The following SLC22A2 variants were observed in gnomAD, a reference collection of about 807,000 sequenced individuals.
SLC22A2 encodes organic cation transporter 2.
A neutral mutation model predicts 60.5 loss-of-function variants in SLC22A2; 46 were observed. The ratio of observed to expected loss-of-function variants is 0.76; its 90% CI spans 0.60 to 0.97. The LOEUF (loss-of-function observed/expected upper bound fraction) is 0.97, where lower values mean the gene tolerates loss of function less well. SLC22A2 is among the 50% of genes least tolerant of loss of function. SLC22A2 has a pLI of 0.00. For synonymous variants in SLC22A2, 303 were observed against 267.0 expected, an observed-to-expected ratio of 1.13 and a Z score of -1.31; for missense variants, 701 against 706.6, an observed-to-expected ratio of 0.99 and a Z score of 0.09.
chr6:160,231,487 C>G (rs1324362525), intron 9 of SLC22A2, among the ~76,000 whole-genome samples: 2 of 151,864 alleles, frequency 1.3e-5, no homozygotes, highest in Non-Finnish European at 2.9e-5. Flanking sequence ...GCGCCAATAT[C>G]TCATCCTGCA....
At chr6:160,247,045 G>A (rs1783105741) in intron 5 of SLC22A2, 139 bp downstream of exon 5, 2 of 584,434 alleles carry the variant, frequency 3.4e-6, no homozygotes, top group Admixed American at 6.0e-5. Flanking sequence ...ATTCTCTGTT[G>A]CATTCCGCTA....
chr6:160,232,551 T>C (rs1782841353), intron 9 of SLC22A2, among the ~76,000 whole-genome samples: 1 of 144,912 alleles, frequency 6.9e-6, no homozygotes, highest in African/African-American at 2.5e-5. Flanking sequence ...TATGCAAGGG[T>C]CCTCCATCAT....
chr6:160,217,456 C>T lies in SLC22A2; in HGVS notation c.1644G>A (p.Gln548=). 1 of 1,604,600 alleles carries T rather than the reference C, an allele frequency of 6.2e-7. No homozygotes were observed. The highest frequency in any genetic ancestry group is 8.5e-7 in the Non-Finnish European group (1 of 1,172,002). The change falls in exon 11 of 11, where the codon CAG becomes CAA. Residue 548 remains glutamine (Q), a synonymous_variant. Transcript: ENST00000366953. ...CTTAGTTCAATGGAATGTCTAGTTTCTGAACTTGGAGGTAAATCATCTTTT... is the reference window on the plus strand; with the variant it reads ...CTTAGTTCAATGGAATGTCTAGTTTTTGAACTTGGAGGTAAATCATCTTTT... ...NKEKMIYLQV[Q]KLDIPLN is the part of the protein sequence containing the mutation.
chr6:160,223,665 T>C (rs775971226), intron 10 of SLC22A2, among the ~76,000 whole-genome samples: 7 of 152,224 alleles, frequency 4.6e-5, no homozygotes, highest in African/African-American at 1.4e-4. Flanking sequence ...TTTGTACACG[T>C]AAACTTCTAG....
intron 7 of SLC22A2, 109 bp downstream of exon 7, chr6:160,243,461 CTT>C (rs930895123): frequency 1.1e-6 from 1 of 876,128 alleles, no homozygotes; most frequent in African/African-American, 1.7e-5. Context: ...TCCAATTTGT[CTT>C]TCCAAATTGA....
At chr6:160,258,138 T>A (rs1783305331) in intron 1 of SLC22A2, among the ~76,000 whole-genome samples, 1 of 152,236 alleles carries the variant, frequency 6.6e-6, no homozygotes, top group Non-Finnish European at 1.5e-5. Context: ...ATTGTCAGCA[T>A]CTGAGGACGT....
At chr6:160,248,264 T>C (rs1010331189) in intron 4 of SLC22A2, among the ~76,000 whole-genome samples, 1 of 152,166 alleles carries the variant, frequency 6.6e-6, no homozygotes, top group Non-Finnish European at 1.5e-5. Flanking sequence ...CTTCACCATG[T>C]GAGGGCCCAC....
At chr6:160,235,235 A>T (rs1286420464) in intron 9 of SLC22A2, among the ~76,000 whole-genome samples, 1 of 152,000 alleles carries the variant, frequency 6.6e-6, no homozygotes, top group Non-Finnish European at 1.5e-5. Context: ...GGGTATCAGA[A>T]ATTACTATAC....
chr6:160,223,510 T>C lies in SLC22A2; in HGVS notation c.1601+1195A>G, dbSNP rs76735705. On this transcript the variant is annotated intron_variant, in intron 10 of 10. Transcript: ENST00000366953. ...ACTTTCCTTGTCAGCGTATGTGAAA[T>C]GGCCTCATTCTTTTTAATGGCTGTA... is the stretch of plus-strand genomic sequence containing the variant. Among the ~76,000 whole-genome samples the C allele has an allele frequency of 7.2e-3, 1,098 of 152,316 alleles. 14 individuals carry two copies. The highest frequency in any genetic ancestry group is 0.025 in the African/African-American group (1,058 of 41,572).
intron 9 of SLC22A2, among the ~76,000 whole-genome samples, chr6:160,237,769 T>A (rs1439828281): frequency 6.6e-6 from 1 of 152,142 alleles, no homozygotes; most frequent in African/African-American, 2.4e-5. Context: ...GCATTCTAAG[T>A]CACAGGATGA....
At chr6:160,237,098 C>T (rs10945658) in intron 9 of SLC22A2, among the ~76,000 whole-genome samples, 14,469 of 152,196 alleles carry the variant, frequency 0.095, 773 homozygotes, top group Non-Finnish European at 0.12. Context: ...ATTCTAGTCT[C>T]ATCAGTTGTT....
At position 160,258,530 on chromosome 6, in the gene SLC22A2, C is replaced by T. The variant is rs770466866; in HGVS notation, c.228G>A (p.Pro76=). 1.2e-6 allele frequency: 2 copies of T among 1,614,096 alleles called. No homozygotes were observed. The highest frequency in any genetic ancestry group is 2.2e-5 in the East Asian group (1 of 44,868). ...SPAEELNYTV[P]GPGPAGEASP... ...AGGCTTCGCCCGCAGGTCCTGGGCC[C>T]GGCACCGTGTAGTTCAGTTCCTCTG... The change falls in exon 1 of 11, where the codon CCG becomes CCA. Residue 76 remains proline (P), a synonymous_variant. Coordinates refer to ENST00000366953, the MANE Select transcript of SLC22A2 (RefSeq NM_003058.4).
intron 9 of SLC22A2, among the ~76,000 whole-genome samples, chr6:160,238,629 T>C (rs1225818927): frequency 6.6e-6 from 1 of 152,190 alleles, no homozygotes; most frequent in Non-Finnish European, 1.5e-5. Flanking sequence ...ACACCATTAT[T>C]GTGTGGAAAA....
intron 9 of SLC22A2, among the ~76,000 whole-genome samples, chr6:160,237,868 C>G (rs1782935817): frequency 2.0e-5 from 3 of 152,136 alleles, no homozygotes; most frequent in Admixed American, 2.0e-4. Context: ...CCACCAAAAC[C>G]AAGATGGCAA....
At chr6:160,236,394 A>C (rs1269346206) in intron 9 of SLC22A2, among the ~76,000 whole-genome samples, 1 of 152,116 alleles carries the variant, frequency 6.6e-6, no homozygotes, top group African/African-American at 2.4e-5. Flanking sequence ...TTTTCTTTTG[A>C]GCTATTAGTA....
At chr6:160,256,483 C>T (rs1334801625) in intron 2 of SLC22A2, 131 bp downstream of exon 2, 8 of 652,570 alleles carry the variant, frequency 1.2e-5, no homozygotes, top group Non-Finnish European at 1.9e-5. Flanking sequence ...TGTAAAAACA[C>T]CAGCATGAAG....
At chr6:160,231,519 G>A (rs1051019208) in intron 9 of SLC22A2, among the ~76,000 whole-genome samples, 3 of 151,868 alleles carry the variant, frequency 2.0e-5, no homozygotes, top group Non-Finnish European at 1.5e-5. Context: ...AAGGATTAAA[G>A]CCTGTTATCA....
intron 9 of SLC22A2, among the ~76,000 whole-genome samples, chr6:160,236,040 CAT>C (rs1782905458): frequency 6.6e-6 from 1 of 152,074 alleles, no homozygotes; most frequent in Admixed American, 6.6e-5. Flanking sequence ...ACAGAAGTAA[CAT>C]ATTTATTTGT....
At position 160,247,211 on chromosome 6, in the gene SLC22A2, A is replaced by G. The variant is rs867490354; in HGVS notation, c.930T>C (p.Asn310=). 2 of 1,611,920 alleles carry G rather than the reference A, an allele frequency of 1.2e-6. No homozygotes were observed. The highest frequency in any genetic ancestry group is 4.5e-5 in the East Asian group (2 of 44,852). ...MRIIKHIAKK[N]GKSLPASLQR... ...GAAGGGAGGCGGGTAGAGATTTTCC[A>G]TTTTTCTTTGCGATGTGCTTAATGA... The change falls in exon 5 of 11, where the codon AAT becomes AAC. Residue 310 remains asparagine, a synonymous_variant. Transcript: ENST00000366953.
Sources: gnomAD v4.1 joint callset for allele counts (sites outside exome capture counted in the v4.1 genomes callset) on GRCh38, gnomAD v4.1.1 for gene constraint, MANE v1.5 for transcripts, NCBI Gene and HGNC (gene_info 2026-07-23, HGNC 2026-07-21) for gene names.